Variants in GALNT18 observed in about 807,000 individuals in gnomAD.
GALNT18 encodes polypeptide N-acetylgalactosaminyltransferase 18.
In GALNT18, 44 loss-of-function variants were observed where a neutral mutation model predicts 69.5. The observed-to-expected ratio is 0.63, with a 90% CI of 0.50 to 0.81. The LOEUF (loss-of-function observed/expected upper bound fraction) is 0.81. GALNT18 is among the 40% of genes least tolerant of loss of function. GALNT18 has a pLI of 0.00. For synonymous variants in GALNT18, 364 were observed against 318.2 expected (o/e 1.14, Z -1.53); for missense variants, 715 against 810.0 (o/e 0.88, Z 1.42).
At chr11:11,556,339 C>T (rs900912873) in intron 1 of GALNT18, among the ~76,000 whole-genome samples, 5 of 152,208 alleles carry the variant, frequency 3.3e-5, no homozygotes, top group African/African-American at 1.2e-4. Flanking sequence ...CTATACCGGG[C>T]AGCCGTGACA....
chr11:11,282,633 G>A (rs932153558), intron 10 of GALNT18, among the ~76,000 whole-genome samples: 5 of 152,180 alleles, frequency 3.3e-5, no homozygotes, highest in African/African-American at 1.2e-4. Flanking sequence ...GAACTAGACT[G>A]AGGGAGCTGG....
rs1225852157 is a variant in GALNT18 at position 11,415,993 on chromosome 11, A to T, written c.595+16628T>A. Among the ~76,000 whole-genome samples the T allele has an allele frequency of 6.6e-6, 1 of 152,240 alleles. No homozygotes were observed. The highest frequency in any genetic ancestry group is 1.5e-5 in the Non-Finnish European group (1 of 68,044). ...GAGAAAATAAAATCACTTCAGCCTC[A>T]TGCTTGAGCAGCCCTGGTCAGGAAC... is the stretch of plus-strand genomic sequence containing the variant. On this transcript the variant is annotated intron_variant, in intron 3 of 10. Coordinates refer to ENST00000227756, the MANE Select transcript of GALNT18 (RefSeq NM_198516.3). The surrounding 1 kb of genome is among the most constrained non-coding windows in gnomAD (Gnocchi z 4.1).
At position 11,332,037 on chromosome 11, in the gene GALNT18, T is replaced by C. The variant is rs1360681370; in HGVS notation, c.1416+657A>G. 6.6e-6 allele frequency among the ~76,000 whole-genome samples: 1 copy of C among 152,100 alleles called. No homozygotes were observed. The highest frequency in any genetic ancestry group is 6.6e-5 in the Admixed American group (1 of 15,266). On this transcript the variant is annotated intron_variant, in intron 8 of 10. Coordinates refer to ENST00000227756, the MANE Select transcript of GALNT18 (RefSeq NM_198516.3). The surrounding 1 kb of genome is among the most constrained non-coding windows in gnomAD (Gnocchi z 4.3). The stretch of plus-strand genomic sequence containing the variant: ...TTTCTTTTACTCTACGGGGATAGTA[T>C]TGAATTACCCCCATTTAACAGGTGA...
In GALNT18 at chr11:11,340,849, G is replaced by T. The variant is rs752489000; in HGVS notation, c.1248C>A (p.His416Gln). The T allele has an allele frequency of 2.5e-6, 4 of 1,613,726 alleles. No homozygotes were observed. Among genetic ancestry groups the T allele is most frequent in the Non-Finnish European group, 1.7e-6 (2 of 1,179,812 alleles). The part of the protein sequence containing the change: ...AEVWMDEFKS[H>Q]VYMAWNIPQE... ...GCGGTATGTTCCATGCCATGTAGAC[G>T]TGGCTTTTAAATTCATCCATCCAGA... is the stretch of plus-strand genomic sequence containing the variant. The change falls in exon 7 of 11, where the codon CAC (histidine) becomes CAA (glutamine). Residue 416 changes from histidine to glutamine, a missense_variant. Transcript: ENST00000227756. The surrounding 1 kb of genome is among the most constrained non-coding windows in gnomAD (Gnocchi z 4.2).
At chr11:11,284,145 CTG>C (rs1849143120) in intron 10 of GALNT18, among the ~76,000 whole-genome samples, 1 of 152,204 alleles carries the variant, frequency 6.6e-6, no homozygotes, top group African/African-American at 2.4e-5. Context: ...ACATAGAGAA[CTG>C]TGCGTAGACT....
intron 6 of GALNT18, among the ~76,000 whole-genome samples, chr11:11,366,687 T>A (rs925018160): frequency 2.6e-5 from 4 of 152,234 alleles, no homozygotes; most frequent in African/African-American, 9.6e-5. Context: ...TTAGCTGATA[T>A]AGAAGCAGCA....
At chr11:11,423,183 T>TGCACACAC (rs1855050535) in intron 3 of GALNT18, among the ~76,000 whole-genome samples, 1 of 152,108 alleles carries the variant, frequency 6.6e-6, no homozygotes, top group Non-Finnish European at 1.5e-5. Flanking sequence ...TGTGCACACA[T>TGCACACAC]GCACACACAC....
chr11:11,519,530 A>T (rs559982163), intron 1 of GALNT18, among the ~76,000 whole-genome samples: 80 of 152,168 alleles, frequency 5.3e-4, no homozygotes, highest in Non-Finnish European at 9.4e-4. Context: ...GGGAAAGGTG[A>T]GGAATGGATG....
chr11:11,281,616 G>C (rs1004639162), intron 10 of GALNT18, among the ~76,000 whole-genome samples: 1 of 152,166 alleles, frequency 6.6e-6, no homozygotes, highest in Non-Finnish European at 1.5e-5. Flanking sequence ...CCTTTCAAGG[G>C]ACACCTTGCC....
At chr11:11,464,495 T>C (rs1025210784) in intron 1 of GALNT18, among the ~76,000 whole-genome samples, 2 of 152,208 alleles carry the variant, frequency 1.3e-5, no homozygotes, top group Non-Finnish European at 2.9e-5. Context: ...CCAGATCTAA[T>C]GCCATTTCCT....
rs929755824 is a variant in GALNT18, at chr11:11,546,670, C to T, written c.235+74689G>A. ...CTGTCCACATACTCTGACCTCTAAC[C>T]ATACAAATACACCTATTCCTCAAAC... On this transcript the variant is annotated intron_variant, in intron 1 of 10. Coordinates refer to ENST00000227756, the MANE Select transcript of GALNT18 (RefSeq NM_198516.3). This position sits in a 1 kb window ranked among gnomAD's most constrained non-coding sequence, Gnocchi z 5.8. Among the ~76,000 whole-genome samples, 4 of 152,230 alleles carry T rather than the reference C, an allele frequency of 2.6e-5. No homozygotes were observed. The highest frequency in any genetic ancestry group is 6.5e-5 in the Admixed American group (1 of 15,288).
At chr11:11,352,220 G>C in intron 6 of GALNT18, 1 of 1,613,944 alleles carries the variant, frequency 6.2e-7, no homozygotes, top group Non-Finnish European at 8.5e-7. Flanking sequence ...GTTTGTCCAG[G>C]AAATCCAAGG....
chr11:11,538,263 G>T lies in GALNT18; in HGVS notation c.235+83096C>A, dbSNP rs756988569. Among the ~76,000 whole-genome samples the T allele has an allele frequency of 6.6e-6, 1 of 152,156 alleles. No homozygotes were observed. Among genetic ancestry groups the T allele is most frequent in the Non-Finnish European group, 1.5e-5 (1 of 68,028 alleles). Reference sequence around the variant, plus strand: ...TCAAGGTCAGTGTTGCGAACAGCCCGCCCTGCCACCACCATCCCCAGGGCT... The same window carrying T: ...TCAAGGTCAGTGTTGCGAACAGCCCTCCCTGCCACCACCATCCCCAGGGCT... On this transcript the variant is annotated intron_variant, in intron 1 of 10. Coordinates refer to ENST00000227756, the MANE Select transcript of GALNT18 (RefSeq NM_198516.3). This position sits in a 1 kb window ranked among gnomAD's most constrained non-coding sequence, Gnocchi z 5.2.
chr11:11,366,378 T>G (rs879100689), intron 6 of GALNT18, among the ~76,000 whole-genome samples: 1 of 152,344 alleles, frequency 6.6e-6, no homozygotes, highest in Non-Finnish European at 1.5e-5. Context: ...GTAGTATTTT[T>G]ATGTACATAT....
At chr11:11,514,303 C>A (rs1485990119) in intron 1 of GALNT18, among the ~76,000 whole-genome samples, 1 of 152,318 alleles carries the variant, frequency 6.6e-6, no homozygotes, top group South Asian at 2.1e-4. Flanking sequence ...GCAGGGAAAT[C>A]CCCTCTGAGT....
In GALNT18 at chr11:11,584,103, C is replaced by A. The variant is rs552856000; in HGVS notation, c.235+37256G>T. On this transcript the variant is annotated intron_variant, in intron 1 of 10. Coordinates refer to ENST00000227756, the MANE Select transcript of GALNT18 (RefSeq NM_198516.3). This position sits in a 1 kb window ranked among gnomAD's most constrained non-coding sequence, Gnocchi z 4.1. ...AGCAGAAAAGAGATAAGAGGACATA[C>A]GGAGAGAAGTAAAAAGGGGAAGTAG... is the stretch of plus-strand genomic sequence containing the variant. Among the ~76,000 whole-genome samples the A allele has an allele frequency of 6.6e-6, 1 of 151,746 alleles. No homozygotes were observed. The highest frequency in any genetic ancestry group is 6.6e-5 in the Admixed American group (1 of 15,232).
Position 11,421,693 on chromosome 11 carries a change from T to C in GALNT18, c.595+10928A>G, listed in dbSNP as rs1324204749. The stretch of plus-strand genomic sequence containing the variant: ...AAGTCATCCCAGGCTGCTGCACTGC[T>C]GTTAAGTCAAGGCCACCCACTGGGA... On this transcript the variant is annotated intron_variant, in intron 3 of 10. Transcript: ENST00000227756. This position sits in a 1 kb window ranked among gnomAD's most constrained non-coding sequence, Gnocchi z 5.6. Among the ~76,000 whole-genome samples the C allele has an allele frequency of 2.0e-5, 3 of 152,092 alleles. No homozygotes were observed. In the East Asian group the frequency reaches 5.8e-4, roughly 29 times the overall value.
chr11:11,405,808 T>C (rs1854576400), intron 3 of GALNT18, among the ~76,000 whole-genome samples: 1 of 152,218 alleles, frequency 6.6e-6, no homozygotes, highest in African/African-American at 2.4e-5. Context: ...CAGCGATGGG[T>C]AAGAGTTCTA....
At chr11:11,476,899 T>A (rs1328546508) in intron 1 of GALNT18, among the ~76,000 whole-genome samples, 1 of 152,138 alleles carries the variant, frequency 6.6e-6, no homozygotes, top group African/African-American at 2.4e-5. Context: ...TGACTGAAAA[T>A]TAATTAGTGA....
Sources: allele counts gnomAD v4.1 joint callset (sites outside exome capture counted in the v4.1 genomes callset), GRCh38; gene constraint gnomAD v4.1.1; non-coding constraint Gnocchi (gnomAD v3.1); transcripts MANE v1.5; gene names NCBI Gene and HGNC (gene_info 2026-07-23, HGNC 2026-07-21).